Variants in PAX6 observed in about 807,000 individuals in gnomAD.
PAX6 encodes the protein paired box 6.
Under a neutral mutation model 60.7 loss-of-function variants are expected in PAX6, and 7 were observed. The observed-to-expected ratio is 0.12, with a 90% CI of 0.07 to 0.22. The LOEUF is 0.22. Among genes scored for constraint, PAX6 ranks in the 10% least tolerant of loss-of-function variants. The pLI, the probability that PAX6 is intolerant of heterozygous loss-of-function variation, is 1.00. For synonymous variants in PAX6, 208 were observed against 201.2 expected, an observed-to-expected ratio of 1.03 and a Z score of -0.29; for missense variants, 355 against 555.2, an observed-to-expected ratio of 0.64 and a Z score of 3.62.
chr11:31,810,752 A>C, intron 2 of PAX6, 76 bp downstream of exon 2: 2 of 394,938 alleles, frequency 5.1e-6, no homozygotes, highest in Non-Finnish European at 4.5e-6. Flanking sequence ...GAGGGGAGGA[A>C]GGAAGGGGGG....
At position 31,789,578 on chromosome 11, in the gene PAX6, A is replaced by T. The variant is rs774392481; in HGVS notation, c.*356T>A. On this transcript the variant is annotated 3_prime_UTR_variant, in exon 14 of 14. Transcript: ENST00000640368. ...GCTTGTTGATCATGGTTTTCTTTTT[A>T]AAAAAAAAAAAAACAACTTCATGAC... 5,772 of 261,028 alleles carry T rather than the reference A, an allele frequency of 0.022. 11 individuals are homozygous for T. Among genetic ancestry groups the T allele is most frequent in the Non-Finnish European group, 0.031 (4,319 of 139,308 alleles). 16.2% of individuals were successfully genotyped at this position (261,028 alleles called of 1,614,324 possible).
At chr11:31,794,878 AT>A in intron 8 of PAX6, 90 bp from the exon 9 acceptor site, 1 of 1,217,634 alleles carries the variant, frequency 8.2e-7, no homozygotes, top group Non-Finnish European at 1.2e-6. Flanking sequence ...CTCCAAGAGC[AT>A]TATATCCCGA....
chr11:31,791,770 G>A (rs568695063), intron 12 of PAX6: 43 of 152,324 alleles, frequency 2.8e-4, no homozygotes, highest in African/African-American at 9.1e-4. Flanking sequence ...CCCACCATTT[G>A]TAAAATGATG....
intron 10 of PAX6, 60 bp from the exon 11 acceptor site, chr11:31,793,862 C>T (rs1950655075): frequency 6.3e-7 from 1 of 1,592,604 alleles, no homozygotes; most frequent in African/African-American, 1.3e-5. Context: ...CCCACCTTGG[C>T]ACCTCCACTG....
intron 13 of PAX6, 150 bp downstream of exon 13, chr11:31,790,560 A>G: frequency 2.0e-6 from 3 of 1,526,488 alleles, no homozygotes; most frequent in Non-Finnish European, 2.7e-6. Context: ...AATTAGCTTA[A>G]CTGAATTTCC....
intron 13 of PAX6, 26 bp downstream of exon 13, chr11:31,790,684 G>T: frequency 6.2e-7 from 1 of 1,613,774 alleles, no homozygotes; most frequent in Non-Finnish European, 8.5e-7. Flanking sequence ...TCGCCTCTGT[G>T]CAGCCTGCAG....
intron 13 of PAX6, 54 bp downstream of exon 13, chr11:31,790,656 A>G: frequency 6.2e-7 from 1 of 1,612,260 alleles, no homozygotes; most frequent in East Asian, 2.2e-5. Context: ...GTTTGGGTAA[A>G]CTTCTAGTGA....
At chr11:31,807,881 T>G (rs1218420497) in intron 2 of PAX6, 1 of 151,382 alleles carries the variant, frequency 6.6e-6, no homozygotes, top group Non-Finnish European at 1.5e-5. Flanking sequence ...GCTGCTCCCG[T>G]ACGAACACCT....
chr11:31,799,544 C>T (rs1446348316), intron 8 of PAX6, among the ~76,000 whole-genome samples: 1 of 152,224 alleles, frequency 6.6e-6, no homozygotes, highest in Non-Finnish European at 1.5e-5. Flanking sequence ...TAATGAGAAA[C>T]AAAACGTTCT....
rs1950953989 is a variant in PAX6 at position 31,794,623 on chromosome 11, C to G, written c.724+7G>C. On this transcript the variant is annotated splice_region_variant and intron_variant, in intron 9 of 13. Coordinates refer to ENST00000640368, the MANE Select transcript of PAX6 (RefSeq NM_001368894.2). ...TACTGCTTCTCTACTTTGAAAAACT[C>G]TATCACCTTTCTCCAGGGCCTCAAT... is the stretch of plus-strand genomic sequence containing the variant. 1.9e-6 allele frequency: 3 copies of G among 1,614,178 alleles called. No individual in the cohort carries two copies. Among genetic ancestry groups the G allele is most frequent in the Admixed American group, 1.7e-5 (1 of 60,030 alleles).
intron 13 of PAX6, chr11:31,790,243 C>T (rs1017659148): frequency 3.8e-6 from 2 of 532,606 alleles, no homozygotes; most frequent in Non-Finnish European, 6.3e-6. Flanking sequence ...TACCCCCCAC[C>T]CCAATCCAAA....
chr11:31,802,174 A>C, intron 5 of PAX6: 1 of 487,818 alleles, frequency 2.0e-6, no homozygotes, highest in Non-Finnish European at 3.6e-6. Context: ...AACAAAGGTA[A>C]AAAATAAACT....
chr11:31,799,295 G>A (rs1014511393), intron 8 of PAX6, among the ~76,000 whole-genome samples: 1 of 152,068 alleles, frequency 6.6e-6, no homozygotes, highest in Non-Finnish European at 1.5e-5. Flanking sequence ...CGTGCGGGCG[G>A]GGTCGCCCAG....
chr11:31,797,167 C>T (rs942999592), intron 8 of PAX6, among the ~76,000 whole-genome samples: 29 of 152,194 alleles, frequency 1.9e-4, no homozygotes, highest in Admixed American at 1.6e-3. Context: ...GAGGAGAACA[C>T]AATGCCCATC....
chr11:31,801,336 A>C, intron 7 of PAX6: 1 of 1,442,542 alleles, frequency 6.9e-7, no homozygotes. Context: ...TCTGTTTTGC[A>C]GCATGCAAAT....
At chr11:31,802,297 G>T in intron 5 of PAX6, 1 of 316,592 alleles carries the variant, frequency 3.2e-6, no homozygotes, top group African/African-American at 2.2e-5. Flanking sequence ...TAAACATGAA[G>T]AATAAACAAA....
At chr11:31,800,907 A>G in intron 7 of PAX6, 51 bp from the exon 8 acceptor site, 2 of 1,568,182 alleles carry the variant, frequency 1.3e-6, no homozygotes, top group Non-Finnish European at 1.8e-6. Flanking sequence ...CTGAAGACAC[A>G]GTCACCCATC....
rs776848552 is a variant in PAX6 at position 31,800,863 on chromosome 11, A to G, written c.400-7T>C. ...CTCTGTTTATTGATGACACCTGCAA[A>G]TCAAACCAAAATCAAACCAAATGGT... On this transcript the variant is annotated splice_region_variant and splice_polypyrimidine_tract_variant and intron_variant, in intron 7 of 13. Transcript: ENST00000640368. The G allele has an allele frequency of 9.3e-6, 15 of 1,612,756 alleles. No homozygotes were observed. Among genetic ancestry groups the G allele is most frequent in the Non-Finnish European group, 1.3e-5 (15 of 1,179,026 alleles).
intron 8 of PAX6, among the ~76,000 whole-genome samples, chr11:31,795,937 G>A (rs542870747): frequency 2.4e-4 from 37 of 152,342 alleles, no homozygotes; most frequent in African/African-American, 8.2e-4. Context: ...GGCCAGAGGC[G>A]GGGTGGAGGG....
Sources: gnomAD v4.1 joint callset for allele counts (sites outside exome capture counted in the v4.1 genomes callset) on GRCh38, gnomAD v4.1.1 for gene constraint, MANE v1.5 for transcripts, NCBI Gene and HGNC (gene_info 2026-07-23, HGNC 2026-07-21) for gene names.